CBARP: variants seen among roughly 807,000 people sequenced by gnomAD.
CBARP encodes CACN subunit beta associated regulatory protein, also known as voltage-dependent calcium channel beta subunit-associated regulatory protein.
In CBARP, 24 loss-of-function variants were observed where a neutral mutation model predicts 36.3. The observed-to-expected ratio is 0.66, with a 90% CI of 0.48 to 0.93. The LOEUF (loss-of-function observed/expected upper bound fraction) is 0.93, where lower values mean the gene tolerates loss of function less well. Among genes scored for constraint, CBARP ranks in the 40% least tolerant of loss-of-function variants. The pLI is 0.00. For synonymous variants in CBARP, 586 were observed against 453.2 expected, an observed-to-expected ratio of 1.29 and a Z score of -3.72; for missense variants, 1,146 against 980.4, an observed-to-expected ratio of 1.17 and a Z score of -2.26.
In CBARP at chr19:1,236,125, T is replaced by G; in HGVS notation, c.-21-4A>C. 1 of 1,418,806 alleles carries G rather than the reference T, an allele frequency of 7.0e-7. No individual in the cohort carries two copies. The highest frequency in any genetic ancestry group is 2.7e-5 in the East Asian group (1 of 36,830). The allele number at this position is 1,418,806 out of a possible 1,614,324, so 87.9% of individuals were successfully genotyped here. A position where few individuals can be genotyped will look rare whatever the true frequency, so the allele number is the denominator to read the frequency against. On this transcript the variant is annotated splice_region_variant and splice_polypyrimidine_tract_variant and intron_variant, in intron 1 of 9. Coordinates refer to ENST00000650044, the MANE Select transcript of CBARP (RefSeq NM_001393918.1). The stretch of plus-strand genomic sequence containing the variant: ...TTCTGAACTGGGGAGGAGGGCCCTG[T>G]GGGGAGGAAGCCTGGTCAGCTCCAG...
In CBARP at chr19:1,235,923, G is replaced by C. The variant is rs774967689; in HGVS notation, c.106-5C>G. The C allele has an allele frequency of 1.2e-6, 2 of 1,607,840 alleles. No individual in the cohort carries two copies. The highest frequency in any genetic ancestry group is 2.7e-5 in the African/African-American group (2 of 74,978). On this transcript the variant is annotated splice_region_variant and splice_polypyrimidine_tract_variant and intron_variant, in intron 2 of 9. Coordinates refer to ENST00000650044, the MANE Select transcript of CBARP (RefSeq NM_001393918.1). ...CAGGATGGGGTCTGGCTCTGCCTGC[G>C]GGTGTGCAGGGGGGGTCAGGTGCTG...
intron 9 of CBARP, chr19:1,230,467 G>A: frequency 1.0e-6 from 1 of 997,718 alleles, no homozygotes; most frequent in Non-Finnish European, 1.2e-6. Context: ...AGTGGACGTG[G>A]GAGCCGCAGG....
chr19:1,236,870 CG>C (rs938581954), intron 1 of CBARP, among the ~76,000 whole-genome samples: 4 of 12,170 alleles, frequency 3.3e-4, no homozygotes, highest in East Asian at 2.3e-3. Context: ...GCGGCGGCCT[CG>C]GGGGGGCGGG....
At chr19:1,230,810 C>G (rs1168180464) in intron 9 of CBARP, 63 of 1,464,604 alleles carry the variant, frequency 4.3e-5, no homozygotes, top group Non-Finnish European at 5.4e-5. Flanking sequence ...CAGCAGAACC[C>G]TTCAGGCCTC....
Position 1,233,494 on chromosome 19 carries a change from C to T in CBARP, c.911G>A (p.Ser304Asn). The T allele has an allele frequency of 6.2e-7, 1 of 1,606,516 alleles. No individual in the cohort carries two copies. The highest frequency in any genetic ancestry group is 2.2e-5 in the East Asian group (1 of 44,674). ...LRRHASLDGA[S>N]PYFKVKKWKL... ...CCACTTCTTGACCTTGAAATAGGGGCTGGCCCCATCCAGGCTGGCATGGCG... is the reference window on the plus strand; with the variant it reads ...CCACTTCTTGACCTTGAAATAGGGGTTGGCCCCATCCAGGCTGGCATGGCG... Residue 304 changes from serine (S) to asparagine (N), a missense_variant, in exon 8 of 10, where the codon AGC (serine) becomes AAC (asparagine). By Grantham distance (46) the Ser-to-Asn change is conservative. Transcript: ENST00000650044.
chr19:1,233,845 G>A (rs933674676), intron 7 of CBARP, among the ~76,000 whole-genome samples: 1 of 152,244 alleles, frequency 6.6e-6, no homozygotes, highest in African/African-American at 2.4e-5. Context: ...TCTGGGGAAG[G>A]TCCCTGGATA....
chr19:1,229,971 GGC>G lies in CBARP; in HGVS notation c.1324_1325del (p.Ala442LeufsTer3), dbSNP rs1436822747. On this transcript the variant is annotated frameshift_variant, in exon 10 of 10. Coordinates refer to ENST00000650044, the MANE Select transcript of CBARP (RefSeq NM_001393918.1). LOFTEE classifies it low-confidence loss of function (END_TRUNC). The surrounding 1 kb of genome is among the most constrained non-coding windows in gnomAD (Gnocchi z 5.1). ...TSYRDLWSLRASLELHAAASD... is the reference protein window; with the variant it reads ...TSYRDLWSLRXSLELHAAASD... ...AGGCGGCCGCATGCAGCTCAAGCGA[GGC>G]GCGCAGGCTCCACAGGTCGCGGTAG... 8.2e-7 allele frequency: 1 copy of G among 1,217,518 alleles called. No individual in the cohort carries two copies. Among genetic ancestry groups the G allele is most frequent in the Admixed American group, 3.0e-5 (1 of 33,350 alleles). 75.4% of individuals were successfully genotyped at this position (1,217,518 alleles called of 1,614,324 possible). A position where few individuals can be genotyped will look rare whatever the true frequency, so the allele number is the denominator to read the frequency against.
chr19:1,230,390 C>G (rs1474250788), intron 9 of CBARP: 1 of 987,470 alleles, frequency 1.0e-6, no homozygotes, highest in African/African-American at 1.7e-5. Flanking sequence ...GCGGGGCCCC[C>G]TCCCTTGGAA....
At position 1,229,767 on chromosome 19, in the gene CBARP, GC is replaced by G; in HGVS notation, c.1529del (p.Gly510AlafsTer318). 9.9e-7 allele frequency: 1 copy of G among 1,013,916 alleles called. No individual in the cohort carries two copies. Among genetic ancestry groups the G allele is most frequent in the Non-Finnish European group, 1.2e-6 (1 of 841,976 alleles). 62.8% of individuals were successfully genotyped at this position (1,013,916 alleles called of 1,614,324 possible). A position where few individuals can be genotyped will look rare whatever the true frequency, so the allele number is the denominator to read the frequency against. On this transcript the variant is annotated frameshift_variant, in exon 10 of 10. Coordinates refer to ENST00000650044, the MANE Select transcript of CBARP (RefSeq NM_001393918.1). LOFTEE classifies it low-confidence loss of function (END_TRUNC). This position sits in a 1 kb window ranked among gnomAD's most constrained non-coding sequence, Gnocchi z 5.1. ...QMDSGYASIE[G>X]RGAGDDTEPP... ...GCTCGGTGTCGTCGCCTGCGCCGCG[GC>G]CCTCGATGCTGGCGTAGCCACTGTC...
intron 8 of CBARP, among the ~76,000 whole-genome samples, chr19:1,232,659 G>A (rs1426840330): frequency 6.6e-6 from 1 of 152,234 alleles, no homozygotes; most frequent in Admixed American, 6.5e-5. Context: ...GAATTGAAGG[G>A]CTACTGTCAA....
chr19:1,235,064 C>T lies in CBARP; in HGVS notation c.392G>A (p.Arg131Gln), dbSNP rs2080947392. 3 of 1,611,148 alleles carry T rather than the reference C, an allele frequency of 1.9e-6. No individual in the cohort carries two copies. Among genetic ancestry groups the T allele is most frequent in the South Asian group, 1.1e-5 (1 of 90,912 alleles). ...CAGCGCCGCCTCATTGAAGGAGACC[C>T]GGCGGCCCGTGGAGCTGGTGGACAG... ...RFLSTSSTGR[R>Q]VSFNEAALFE... Residue 131 changes from arginine to glutamine, a missense_variant, in exon 5 of 10, where the codon CGG becomes CAG. By Grantham distance (43) the Arg-to-Gln change is conservative. Transcript: ENST00000650044.
chr19:1,235,253 G>T, intron 4 of CBARP, 108 bp from the exon 5 acceptor site: 1 of 1,244,514 alleles, frequency 8.0e-7, no homozygotes, highest in Non-Finnish European at 1.0e-6. Flanking sequence ...CTGGGGCCGC[G>T]GCACGGGCGG....
rs371688667 is a variant in CBARP at position 1,233,528 on chromosome 19, G to A, written c.877C>T (p.Arg293Cys). 1.6e-4 allele frequency: 259 copies of A among 1,604,384 alleles called. No homozygotes were observed. The highest frequency in any genetic ancestry group is 2.1e-4 in the Non-Finnish European group (252 of 1,175,994). ...TCCAGGCTGGCATGGCGGCGCAGGC[G>A]GGTGAGGAACTGCAGAACGGTACCT... ...GAGTVLQFLT[R>C]LRRHASLDGA... The change falls in exon 8 of 10, where the codon CGC (arginine) becomes TGC (cysteine). Residue 293 changes from arginine (R) to cysteine (C), a missense_variant. Transcript: ENST00000650044.
chr19:1,235,458 G>T, intron 4 of CBARP, 43 bp downstream of exon 4: 1 of 1,528,912 alleles, frequency 6.5e-7, no homozygotes, highest in Non-Finnish European at 8.8e-7. Context: ...GCCGAGGGGC[G>T]GATGGACAGG....
At chr19:1,231,667 C>T (rs992959733) in intron 8 of CBARP, among the ~76,000 whole-genome samples, 8 of 149,776 alleles carry the variant, frequency 5.3e-5, no homozygotes, top group Admixed American at 1.3e-4. Flanking sequence ...ACACACACAA[C>T]GCGTGTGCCC....
At position 1,234,730 on chromosome 19, in the gene CBARP, C is replaced by T. The variant is rs760649558; in HGVS notation, c.468G>A (p.Thr156=). The change falls in exon 6 of 10, where the codon ACG becomes ACA. Residue 156 remains threonine (T), a synonymous_variant. Transcript: ENST00000650044. ...TQDKGRRYTL[T]EGDFHHLKNA... is the part of the protein sequence containing the mutation. ...TCTTCAGGTGGTGGAAGTCCCCCTC[C>T]GTCAGTGTGTACCTGCGACAGCATC... 3.6e-5 allele frequency: 58 copies of T among 1,612,666 alleles called. No individual in the cohort carries two copies. The Middle Eastern group carries it at 1.6e-3, about 46-fold the overall frequency.
Position 1,231,216 on chromosome 19 carries a change from CCTG to C in CBARP, c.1036_1038del (p.Gln346del). On this transcript the variant is annotated inframe_deletion, in exon 9 of 10. Coordinates refer to ENST00000650044, the MANE Select transcript of CBARP (RefSeq NM_001393918.1). ...TCCTCCTGGGGGGCATCCCCCTCCT[CCTG>C]CTCCGTGCTCTCACTGGCTGCCCGC... The C allele has an allele frequency of 6.2e-7, 1 of 1,603,436 alleles. No homozygotes were observed. Among genetic ancestry groups the C allele is most frequent in the Non-Finnish European group, 8.5e-7 (1 of 1,179,528 alleles).
intron 8 of CBARP, 33 bp downstream of exon 8, chr19:1,233,393 G>A (rs2145452575): frequency 6.5e-7 from 1 of 1,537,200 alleles, no homozygotes; most frequent in Non-Finnish European, 8.8e-7. Flanking sequence ...CCAGCCCACA[G>A]GGGCCCACTC....
intron 8 of CBARP, 99 bp from the exon 9 acceptor site, chr19:1,231,374 G>T: frequency 7.2e-7 from 1 of 1,389,182 alleles, no homozygotes; most frequent in Non-Finnish European, 9.3e-7. Flanking sequence ...CACACACAAT[G>T]CCTGTGCCCC....
Sources: gnomAD v4.1 joint callset for allele counts (sites outside exome capture counted in the v4.1 genomes callset) on GRCh38, gnomAD v4.1.1 for gene constraint, Gnocchi (gnomAD v3.1) non-coding constraint, MANE v1.5 for transcripts, NCBI Gene and HGNC (gene_info 2026-07-23, HGNC 2026-07-21) for gene names.